The following MACROD2 variants were observed in gnomAD, a reference collection of about 807,000 sequenced individuals.
MACROD2 encodes the protein mono-ADP ribosylhydrolase 2.
In MACROD2, 36 loss-of-function variants were observed where a neutral mutation model predicts 70.4. The observed-to-expected ratio is 0.51, with a 90% CI of 0.39 to 0.68. The LOEUF (loss-of-function observed/expected upper bound fraction) is 0.68. MACROD2 is among the 30% of genes least tolerant of loss of function. MACROD2 has a pLI of 0.00. For missense variants in MACROD2, 496 were observed against 538.4 expected (o/e 0.92, Z 0.78); for synonymous variants, 172 against 178.8 (o/e 0.96, Z 0.30).
rs936459882 is a variant in MACROD2, at chr20:14,536,451, T to C, written c.301+42943T>C. On this transcript the variant is annotated intron_variant, in intron 4 of 17. Coordinates refer to ENST00000684519, the MANE Select transcript of MACROD2 (RefSeq NM_001351661.2). ...GAGAGTTGGAGGTGTAGAGAACATA[T>C]GTGAAATAGTTGGCAATTATTTATT... Among the ~76,000 whole-genome samples the C allele has an allele frequency of 2.2e-4, 34 of 152,138 alleles. 2 individuals carry two copies. The highest frequency in any genetic ancestry group is 2.4e-5 in the African/African-American group (1 of 41,410).
At chr20:15,642,777 G>A (rs554948542) in intron 8 of MACROD2, among the ~76,000 whole-genome samples, 6 of 152,114 alleles carry the variant, frequency 3.9e-5, no homozygotes, top group Non-Finnish European at 7.4e-5. Flanking sequence ...GTGTGTGTAT[G>A]TGTGTGTGTA....
chr20:15,742,876 C>G (rs1010656352), intron 8 of MACROD2, among the ~76,000 whole-genome samples: 2 of 152,182 alleles, frequency 1.3e-5, no homozygotes, highest in African/African-American at 2.4e-5. Flanking sequence ...AAAGCCAGCT[C>G]CCTAGGGTAT....
intron 5 of MACROD2, among the ~76,000 whole-genome samples, chr20:14,848,349 A>G (rs2073164416): frequency 6.6e-6 from 1 of 152,172 alleles, no homozygotes; most frequent in Non-Finnish European, 1.5e-5. Flanking sequence ...GTTATCCTGT[A>G]GGAATAGCTA....
chr20:15,587,884 A>G (rs1330990089), intron 8 of MACROD2, among the ~76,000 whole-genome samples: 1 of 152,202 alleles, frequency 6.6e-6, no homozygotes, highest in Non-Finnish European at 1.5e-5. Flanking sequence ...TTCCAAGCAC[A>G]TGGTGAAAGC....
At chr20:15,887,024 A>G (rs1423710454) in intron 10 of MACROD2, among the ~76,000 whole-genome samples, 2 of 152,116 alleles carry the variant, frequency 1.3e-5, no homozygotes, top group African/African-American at 2.4e-5. Context: ...GAGGTATCTC[A>G]GAGGCCCTGA....
intron 4 of MACROD2, among the ~76,000 whole-genome samples, chr20:14,671,736 A>T (rs558296853): frequency 6.6e-6 from 1 of 152,302 alleles, no homozygotes; most frequent in African/African-American, 2.4e-5. Flanking sequence ...ATAACAAGTT[A>T]TTTTTTAAGT....
chr20:14,769,563 C>T (rs967350695), intron 5 of MACROD2, among the ~76,000 whole-genome samples: 7 of 152,094 alleles, frequency 4.6e-5, no homozygotes, highest in Non-Finnish European at 1.0e-4. Context: ...TATTGTACCG[C>T]ACCTATCAAG....
chr20:14,402,964 A>T (rs1234164850), intron 3 of MACROD2, among the ~76,000 whole-genome samples: 1 of 152,206 alleles, frequency 6.6e-6, no homozygotes, highest in Non-Finnish European at 1.5e-5. Context: ...AATGGCTTTC[A>T]TAAGGCAAAA....
chr20:15,508,211 ACTATGTC>A (rs1340046124), intron 8 of MACROD2, among the ~76,000 whole-genome samples: 1 of 151,932 alleles, frequency 6.6e-6, no homozygotes, highest in African/African-American at 2.4e-5. Context: ...TGAACCTAGT[ACTATGTC>A]CATTATGCCC....
chr20:15,500,331 G>C (rs941110808), intron 8 of MACROD2, among the ~76,000 whole-genome samples: 3 of 152,086 alleles, frequency 2.0e-5, no homozygotes, highest in Non-Finnish European at 4.4e-5. Context: ...TCACAAAATC[G>C]TTATGAGCGG....
intron 7 of MACROD2, among the ~76,000 whole-genome samples, chr20:15,456,974 T>C (rs548920616): frequency 2.0e-5 from 3 of 151,924 alleles, no homozygotes; most frequent in Non-Finnish European, 4.4e-5. Flanking sequence ...CTTCATTTTG[T>C]GTGATCTTGG....
At chr20:14,129,485 T>G (rs1339312927) in intron 3 of MACROD2, among the ~76,000 whole-genome samples, 1 of 152,228 alleles carries the variant, frequency 6.6e-6, no homozygotes, top group Non-Finnish European at 1.5e-5. Flanking sequence ...GAAGATGCTG[T>G]GAATATTGTT....
intron 8 of MACROD2, among the ~76,000 whole-genome samples, chr20:15,681,035 C>T (rs762069332): frequency 2.0e-5 from 3 of 152,178 alleles, no homozygotes; most frequent in Admixed American, 6.5e-5. Context: ...CACCTCAGTT[C>T]AATACAGTTG....
At chr20:15,660,482 T>G (rs952604238) in intron 8 of MACROD2, among the ~76,000 whole-genome samples, 2 of 152,192 alleles carry the variant, frequency 1.3e-5, no homozygotes, top group African/African-American at 2.4e-5. Context: ...AAAGCATCTT[T>G]AAAAGTCCTT....
intron 2 of MACROD2, among the ~76,000 whole-genome samples, chr20:14,065,365 T>G (rs1416688853): frequency 6.6e-6 from 1 of 152,228 alleles, no homozygotes; most frequent in Admixed American, 6.5e-5. Flanking sequence ...TTTTAGTGCT[T>G]TCTGAGCTTC....
At chr20:14,397,812 G>A (rs935045859) in intron 3 of MACROD2, among the ~76,000 whole-genome samples, 1 of 152,156 alleles carries the variant, frequency 6.6e-6, no homozygotes. Context: ...TCTCCACAGT[G>A]CCATAGAACA....
intron 3 of MACROD2, among the ~76,000 whole-genome samples, chr20:14,161,936 A>G (rs1405841231): frequency 6.6e-6 from 1 of 152,196 alleles, no homozygotes; most frequent in East Asian, 1.9e-4. Flanking sequence ...TATTGTGGAT[A>G]CTGCTGCAAT....
chr20:15,051,946 T>A (rs1158982568), intron 5 of MACROD2, among the ~76,000 whole-genome samples: 1 of 151,996 alleles, frequency 6.6e-6, no homozygotes, highest in African/African-American at 2.4e-5. Context: ...AGAGACAGGG[T>A]TTCACCATGT....
chr20:15,586,910 A>G (rs922525161), intron 8 of MACROD2, among the ~76,000 whole-genome samples: 5 of 152,216 alleles, frequency 3.3e-5, no homozygotes, highest in African/African-American at 1.2e-4. Context: ...AAAAATCTTA[A>G]AAATATCCTG....
Sources: allele counts gnomAD v4.1 joint callset (sites outside exome capture counted in the v4.1 genomes callset), GRCh38; gene constraint gnomAD v4.1.1; transcripts MANE v1.5; gene names NCBI Gene and HGNC (gene_info 2026-07-23, HGNC 2026-07-21).